The following ATP2B2 variants were observed in gnomAD, a reference collection of about 807,000 sequenced individuals.
ATP2B2 encodes the protein plasma membrane calcium-transporting ATPase 2.
A neutral mutation model predicts 120.0 loss-of-function variants in ATP2B2; 15 were observed. That is an observed-to-expected ratio of 0.12 (90% CI 0.08 to 0.19). ATP2B2 has a LOEUF of 0.19. Among genes scored for constraint, ATP2B2 ranks in the 10% least tolerant of loss-of-function variants. The pLI, the probability that ATP2B2 is intolerant of heterozygous loss-of-function variation, is 1.00. For synonymous variants in ATP2B2, 694 were observed against 700.3 expected, an observed-to-expected ratio of 0.99 and a Z score of 0.14; for missense variants, 1,045 against 1,719.8, an observed-to-expected ratio of 0.61 and a Z score of 6.94.
intron 12 of ATP2B2, among the ~76,000 whole-genome samples, chr3:10,362,549 C>T (rs764090523): frequency 6.6e-6 from 1 of 152,228 alleles, no homozygotes; most frequent in East Asian, 1.9e-4. Flanking sequence ...AGAGAAATAT[C>T]AACCCTCTCC....
chr3:10,450,996 G>A (rs2064025362), intron 1 of ATP2B2, among the ~76,000 whole-genome samples: 1 of 152,162 alleles, frequency 6.6e-6, no homozygotes, highest in South Asian at 2.1e-4. Flanking sequence ...AGAGAAGGAA[G>A]GCAGGACTGA....
chr3:10,633,451 T>C (rs2069929055), intron 1 of ATP2B2, among the ~76,000 whole-genome samples: 1 of 152,232 alleles, frequency 6.6e-6, no homozygotes, highest in African/African-American at 2.4e-5. Context: ...TGTTTCATTT[T>C]TTTTAAGTTA....
chr3:10,469,655 A>G (rs189485237), intron 1 of ATP2B2, among the ~76,000 whole-genome samples: 17 of 151,738 alleles, frequency 1.1e-4, no homozygotes, highest in Admixed American at 4.6e-4. Context: ...GTGCAAGGAG[A>G]CTCCAGTTTC....
intron 1 of ATP2B2, among the ~76,000 whole-genome samples, chr3:10,672,754 T>C (rs545835548): frequency 6.6e-6 from 1 of 152,366 alleles, no homozygotes; most frequent in African/African-American, 2.4e-5. Flanking sequence ...AAAATGACAC[T>C]TGTTTTTATT....
rs909716038 is a variant in ATP2B2, at chr3:10,358,747, G to A, written c.2080C>T (p.Leu694Phe). 5.0e-6 allele frequency: 8 copies of A among 1,614,138 alleles called. No individual in the cohort carries two copies. Among genetic ancestry groups the A allele is most frequent in the South Asian group, 1.1e-5 (1 of 91,094 alleles). ...EPDWDNENDI[L>F]NELTCICVVG... ...ACGCAGATGCAGGTGAGTTCGTTGA[G>A]GATGTCATTCTCATTGTCCCAGTCC... is the stretch of plus-strand genomic sequence containing the variant. Residue 694 changes from leucine (L) to phenylalanine (F), a missense_variant, in exon 14 of 23, where the codon CTC becomes TTC. Physicochemically the swap from Leu to Phe is conservative, Grantham distance 22. Around this residue, in one of 11 missense-constraint regions of ATP2B2, gnomAD observed 343 missense variants for 536.8 expected, o/e 0.64. Coordinates refer to ENST00000360273, the MANE Select transcript of ATP2B2 (RefSeq NM_001001331.4).
At chr3:10,530,846 G>A (rs983159852) in intron 3 of ATP2B2, among the ~76,000 whole-genome samples, 28 of 152,164 alleles carry the variant, frequency 1.8e-4, no homozygotes, top group Non-Finnish European at 2.5e-4. Flanking sequence ...CGTTGCTGAC[G>A]TGGAAATTCT....
intron 2 of ATP2B2, among the ~76,000 whole-genome samples, chr3:10,423,093 G>A (rs922091846): frequency 1.3e-4 from 20 of 152,228 alleles, no homozygotes; most frequent in Middle Eastern, 3.4e-3. Context: ...CCTGAGAAAG[G>A]TTTACTGGAT....
chr3:10,611,362 C>T (rs559523492), intron 2 of ATP2B2, among the ~76,000 whole-genome samples: 26 of 152,266 alleles, frequency 1.7e-4, no homozygotes, highest in Admixed American at 9.1e-4. Flanking sequence ...GGTGTGGCTG[C>T]GGAGAGCTTG....
intron 5 of ATP2B2, among the ~76,000 whole-genome samples, chr3:10,393,179 G>A (rs2061912954): frequency 1.3e-5 from 2 of 152,300 alleles, no homozygotes; most frequent in Non-Finnish European, 2.9e-5. Context: ...ACAAAACCAA[G>A]CCAAGGACAT....
At chr3:10,508,734 A>G (rs2066699678), upstream of ATP2B2, among the ~76,000 whole-genome samples, 1 of 152,314 alleles carries the variant, frequency 6.6e-6, no homozygotes, top group South Asian at 2.1e-4. Context: ...GGTATTGGAC[A>G]GGCAGAGGTG....
chr3:10,540,661 T>C (rs1237373012), intron 2 of ATP2B2, among the ~76,000 whole-genome samples: 3 of 137,454 alleles, frequency 2.2e-5, no homozygotes, highest in Non-Finnish European at 4.5e-5. Flanking sequence ...TAGGTGGGAA[T>C]TGAACAATGA....
rs114678114 is a variant in ATP2B2, at chr3:10,656,887, C to T, written c.-459-36926G>A. On this transcript the variant is annotated intron_variant, in intron 1 of 21. Coordinates refer to the ATP2B2 transcript ENST00000646379. ...CCCCTAGAAGAGGGCACAGCAAATG[C>T]TAAGGCCCTGGGGCAGGAGCAAGCT... Among the ~76,000 whole-genome samples, 137 of 152,320 alleles carry T rather than the reference C, an allele frequency of 9.0e-4. 1 individual carries two copies. Among genetic ancestry groups the T allele is most frequent in the Non-Finnish European group, 1.6e-3 (111 of 68,024 alleles).
intron 2 of ATP2B2, among the ~76,000 whole-genome samples, chr3:10,590,698 C>T (rs935027528): frequency 6.6e-6 from 1 of 152,210 alleles, no homozygotes; most frequent in African/African-American, 2.4e-5. Context: ...GTTCTCCTGC[C>T]CCAAGGCACT....
intron 3 of ATP2B2, among the ~76,000 whole-genome samples, chr3:10,515,764 A>G (rs2066864662): frequency 1.3e-5 from 2 of 152,250 alleles, no homozygotes; most frequent in African/African-American, 4.8e-5. Context: ...CATCAGTAAC[A>G]TGGTGATGAT....
intron 1 of ATP2B2, among the ~76,000 whole-genome samples, chr3:10,696,396 C>CCTCT (rs146368457): frequency 1.0e-3 from 152 of 150,088 alleles, no homozygotes; most frequent in African/African-American, 3.6e-3. Context: ...GCGATTGATT[C>CCTCT]CTCTCTCTCT....
intron 2 of ATP2B2, among the ~76,000 whole-genome samples, chr3:10,426,344 C>T (rs2063144992): frequency 6.6e-6 from 1 of 152,194 alleles, no homozygotes; most frequent in Non-Finnish European, 1.5e-5. Flanking sequence ...GTGGCCTCTC[C>T]TAGACACACC....
At chr3:10,367,519 T>C (rs1017156754) in intron 12 of ATP2B2, among the ~76,000 whole-genome samples, 1 of 152,074 alleles carries the variant, frequency 6.6e-6, no homozygotes, top group Non-Finnish European at 1.5e-5. Flanking sequence ...AACAGAGTAA[T>C]GACTGCCATG....
chr3:10,440,266 C>A (rs920653664), intron 2 of ATP2B2, among the ~76,000 whole-genome samples: 1 of 152,100 alleles, frequency 6.6e-6, no homozygotes, highest in African/African-American at 2.4e-5. Context: ...ACCATTTCCC[C>A]AACCTTCGGT....
At chr3:10,546,425 C>T (rs538609159) in intron 2 of ATP2B2, among the ~76,000 whole-genome samples, 13 of 152,342 alleles carry the variant, frequency 8.5e-5, no homozygotes, top group African/African-American at 3.1e-4. Context: ...CTGCCCAGCC[C>T]CTCTGTCCAG....
Sources: allele counts gnomAD v4.1 joint callset (sites outside exome capture counted in the v4.1 genomes callset), GRCh38; gene constraint gnomAD v4.1.1; regional missense constraint gnomAD v4.1.1; transcripts MANE v1.5; gene names NCBI Gene and HGNC (gene_info 2026-07-23, HGNC 2026-07-21).